TMEM272: variants seen among roughly 807,000 people sequenced by gnomAD.
TMEM272 encodes the protein long intergenic non-protein coding RNA 282.
In TMEM272, 8 loss-of-function variants were observed where a neutral mutation model predicts 3.7. The observed-to-expected ratio is 2.17, with a 90% CI of 1.27 to 3.91. The LOEUF (loss-of-function observed/expected upper bound fraction) is 3.91, where lower values mean the gene tolerates loss of function less well. Among genes scored for constraint, TMEM272 ranks in the 30% most tolerant of loss-of-function variants. The pLI is 0.00. For missense variants in TMEM272, 166 were observed against 91.5 expected (o/e 1.81, Z -3.32); for synonymous variants, 63 against 39.8 (o/e 1.58, Z -2.20).
chr13:51,930,670 T>A, the TMEM272 span: 1 of 151,348 alleles, frequency 6.6e-6, no homozygotes, highest in African/African-American at 2.4e-5. Context: ...AAGAAAAATG[T>A]ATGCAAATAA....
At chr13:51,905,562 G>T in the TMEM272 span, among the ~76,000 whole-genome samples, 1 of 152,336 alleles carries the variant, frequency 6.6e-6, no homozygotes, top group East Asian at 1.9e-4. Flanking sequence ...GAGGCAAGGG[G>T]CAAGCCCTCC....
intron 2 of TMEM272, among the ~76,000 whole-genome samples, chr13:51,827,559 GC>G (rs1312133465): frequency 1.3e-5 from 2 of 151,986 alleles, no homozygotes; most frequent in Non-Finnish European, 2.9e-5. Flanking sequence ...GGGTAGGCCT[GC>G]CCCCCAGTTC....
intron 3 of TMEM272, among the ~76,000 whole-genome samples, chr13:51,825,968 A>C (rs1256270717): frequency 6.6e-6 from 1 of 151,962 alleles, no homozygotes; most frequent in African/African-American, 2.4e-5. Flanking sequence ...TCCCATTAGC[A>C]ATGTTCAGGA....
intron 3 of TMEM272, among the ~76,000 whole-genome samples, chr13:51,823,313 A>C (rs1956095872): frequency 6.6e-6 from 1 of 152,220 alleles, no homozygotes; most frequent in Non-Finnish European, 1.5e-5. Flanking sequence ...TCCTGGGCTC[A>C]AGTGATCCTC....
At chr13:51,881,112 G>A in the TMEM272 span, among the ~76,000 whole-genome samples, 2 of 152,198 alleles carry the variant, frequency 1.3e-5, no homozygotes, top group African/African-American at 2.4e-5. Context: ...TATTCTGGGT[G>A]TGGCCGAACA....
chr13:51,873,707 A>G, the TMEM272 span, among the ~76,000 whole-genome samples: 1 of 152,126 alleles, frequency 6.6e-6, no homozygotes, highest in East Asian at 1.9e-4. Context: ...GCTCACATTC[A>G]TCCTTCAAGT....
At chr13:51,890,390 A>T in the TMEM272 span, among the ~76,000 whole-genome samples, 2 of 151,816 alleles carry the variant, frequency 1.3e-5, no homozygotes, top group Admixed American at 6.6e-5. Flanking sequence ...AGAGCCTCTC[A>T]TCTCCCTCCC....
At chr13:51,902,082 G>C in the TMEM272 span, among the ~76,000 whole-genome samples, 1 of 152,144 alleles carries the variant, frequency 6.6e-6, no homozygotes, top group Non-Finnish European at 1.5e-5. Context: ...GTATCAGGGG[G>C]GTTACTGCAG....
Position 51,816,595 on chromosome 13 carries a change from G to A in TMEM272, c.*156C>T. The A allele has an allele frequency of 1.7e-6, 1 of 584,600 alleles. No individual in the cohort carries two copies. The highest frequency in any genetic ancestry group is 3.1e-6 in the Non-Finnish European group (1 of 327,636). The allele number at this position is 584,600 out of a possible 1,614,324, so 36.2% of individuals were successfully genotyped here. A position where few individuals can be genotyped will look rare whatever the true frequency, so the allele number is the denominator to read the frequency against. On this transcript the variant is annotated 3_prime_UTR_variant, in exon 5 of 5. Coordinates refer to ENST00000629372, the MANE Select transcript of TMEM272 (RefSeq NM_001351003.2). ...TCTGCTATTATATTCAGTGCCTTTGGGTGGCTTTTTAAATGCCTTCAGGGA... is the reference window on the plus strand; with the variant it reads ...TCTGCTATTATATTCAGTGCCTTTGAGTGGCTTTTTAAATGCCTTCAGGGA...
chr13:51,893,810 GT>G, the TMEM272 span, among the ~76,000 whole-genome samples: 1 of 152,160 alleles, frequency 6.6e-6, no homozygotes, highest in African/African-American at 2.4e-5. Flanking sequence ...TGAAAAGACT[GT>G]TTTTTAAGAT....
At chr13:51,909,249 T>C in the TMEM272 span, 1 of 1,154,898 alleles carries the variant, frequency 8.7e-7, no homozygotes, top group South Asian at 1.2e-5. Flanking sequence ...ACAATTATCA[T>C]GTGCTTTTTT....
chr13:51,878,300 G>T, the TMEM272 span, among the ~76,000 whole-genome samples: 3 of 152,128 alleles, frequency 2.0e-5, no homozygotes, highest in Non-Finnish European at 4.4e-5. Context: ...CGTCGTGGCA[G>T]GCACCTGTAG....
the TMEM272 span, among the ~76,000 whole-genome samples, chr13:51,916,867 G>C: frequency 0.6 from 91,245 of 152,064 alleles, 30,173 homozygotes; most frequent in African/African-American, 0.89. Context: ...CCTCCACCCC[G>C]TGAGCATTCC....
At chr13:51,901,040 T>G in the TMEM272 span, among the ~76,000 whole-genome samples, 1 of 152,252 alleles carries the variant, frequency 6.6e-6, no homozygotes, top group African/African-American at 2.4e-5. Flanking sequence ...AAAGTGGTGA[T>G]GGTTGCACAA....
At chr13:51,853,386 G>A in the TMEM272 span, among the ~76,000 whole-genome samples, 1 of 151,898 alleles carries the variant, frequency 6.6e-6, no homozygotes, top group Non-Finnish European at 1.5e-5. Flanking sequence ...CTCCAGCCTG[G>A]GCAACATAGC....
At chr13:51,902,662 C>G in the TMEM272 span, among the ~76,000 whole-genome samples, 6 of 152,340 alleles carry the variant, frequency 3.9e-5, no homozygotes, top group East Asian at 7.7e-4. Flanking sequence ...CTGCCTCAGT[C>G]AAGCCTGCAG....
At chr13:51,857,784 A>C in the TMEM272 span, among the ~76,000 whole-genome samples, 3 of 152,274 alleles carry the variant, frequency 2.0e-5, no homozygotes, top group East Asian at 1.9e-4. Flanking sequence ...TAATTATATT[A>C]AGTGTAAATA....
At chr13:51,817,161 G>A (rs1165054134) in intron 4 of TMEM272, 48 bp from the exon 5 acceptor site, 1 of 675,264 alleles carries the variant, frequency 1.5e-6, no homozygotes, top group South Asian at 1.6e-5. Context: ...CAGCAAAATA[G>A]ACGGGAAGAG....
chr13:51,909,567 C>T, the TMEM272 span: 5 of 1,114,600 alleles, frequency 4.5e-6, no homozygotes, highest in Non-Finnish European at 6.8e-6. Context: ...TTTTAATATG[C>T]TCTCTAAGCT....
Sources: allele counts gnomAD v4.1 joint callset (sites outside exome capture counted in the v4.1 genomes callset), GRCh38; gene constraint gnomAD v4.1.1; transcripts MANE v1.5; gene names NCBI Gene and HGNC (gene_info 2026-07-23, HGNC 2026-07-21).